STXBP5L: variants seen among roughly 807,000 people sequenced by gnomAD.
STXBP5L encodes syntaxin-binding protein 5-like.
Under a neutral mutation model 144.5 loss-of-function variants are expected in STXBP5L, and 65 were observed. That is an observed-to-expected ratio of 0.45 (90% CI 0.37 to 0.55). The LOEUF (loss-of-function observed/expected upper bound fraction) is 0.55, where lower values mean the gene tolerates loss of function less well. STXBP5L is among the 20% of genes least tolerant of loss of function. The pLI is 0.00. For missense variants in STXBP5L, 1,298 were observed against 1,405.5 expected (o/e 0.92, Z 1.22); for synonymous variants, 505 against 469.6 (o/e 1.08, Z -0.97).
intron 2 of STXBP5L, among the ~76,000 whole-genome samples, chr3:120,944,862 C>A (rs1473464622): frequency 2.0e-5 from 3 of 151,764 alleles, no homozygotes; most frequent in African/African-American, 7.2e-5. Context: ...TTCAGCAATA[C>A]TTTCAGTGAC....
intron 5 of STXBP5L, among the ~76,000 whole-genome samples, chr3:121,076,475 G>A (rs1451779718): frequency 1.3e-5 from 2 of 152,050 alleles, no homozygotes; most frequent in Non-Finnish European, 2.9e-5. Context: ...TTTTGTCCAG[G>A]CCATTAGAGT....
intron 9 of STXBP5L, among the ~76,000 whole-genome samples, chr3:121,160,772 C>T (rs747195019): frequency 3.9e-5 from 6 of 151,954 alleles, no homozygotes; most frequent in Non-Finnish European, 8.8e-5. Context: ...TCCCTCTTTC[C>T]TCTTTTTGCC....
At chr3:121,243,805 C>G (rs538093511) in intron 14 of STXBP5L, among the ~76,000 whole-genome samples, 1 of 152,252 alleles carries the variant, frequency 6.6e-6, no homozygotes, top group Non-Finnish European at 1.5e-5. Flanking sequence ...AATGTCTTAT[C>G]CTAGGAAACA....
intron 7 of STXBP5L, among the ~76,000 whole-genome samples, chr3:121,143,282 A>G (rs1329918027): frequency 6.8e-6 from 1 of 146,086 alleles, no homozygotes; most frequent in East Asian, 1.9e-4. Context: ...AAATAACATC[A>G]GTCCTTAAAT....
At chr3:120,963,897 G>T (rs1006824286) in intron 3 of STXBP5L, among the ~76,000 whole-genome samples, 1 of 152,108 alleles carries the variant, frequency 6.6e-6, no homozygotes, top group Non-Finnish European at 1.5e-5. Flanking sequence ...GAATCCGTCT[G>T]GTCCTGGATT....
chr3:121,304,886 G>A (rs2043285405), intron 19 of STXBP5L, among the ~76,000 whole-genome samples: 1 of 151,574 alleles, frequency 6.6e-6, no homozygotes, highest in Non-Finnish European at 1.5e-5. Context: ...TCAAACCAGA[G>A]TAGATCAACA....
intron 7 of STXBP5L, among the ~76,000 whole-genome samples, chr3:121,132,796 G>C (rs985547416): frequency 6.6e-6 from 1 of 151,884 alleles, no homozygotes; most frequent in African/African-American, 2.4e-5. Flanking sequence ...ATATTTAAAA[G>C]TACTAAACAG....
intron 5 of STXBP5L, among the ~76,000 whole-genome samples, chr3:121,090,749 C>A (rs59778278): frequency 0.21 from 32,448 of 151,736 alleles, 3,690 homozygotes; most frequent in Non-Finnish European, 0.26. Flanking sequence ...ACAATTAGTG[C>A]CTCAGATGGT....
At chr3:121,011,127 A>G (rs1197036357) in intron 3 of STXBP5L, among the ~76,000 whole-genome samples, 1 of 150,422 alleles carries the variant, frequency 6.6e-6, no homozygotes, top group African/African-American at 2.4e-5. Context: ...CGAGGTAGTT[A>G]CAGCATCTCA....
At chr3:121,206,882 G>A (rs1415983103) in intron 10 of STXBP5L, among the ~76,000 whole-genome samples, 3 of 151,894 alleles carry the variant, frequency 2.0e-5, no homozygotes, top group African/African-American at 4.8e-5. Context: ...AATAATTAGT[G>A]GCAATACACT....
At chr3:120,975,618 T>C (rs1940889838) in intron 3 of STXBP5L, among the ~76,000 whole-genome samples, 1 of 152,200 alleles carries the variant, frequency 6.6e-6, no homozygotes. Context: ...CCCTGTCTTG[T>C]GCCAGTTTTC....
chr3:121,194,107 T>C (rs1350652566), intron 9 of STXBP5L, among the ~76,000 whole-genome samples: 1 of 152,154 alleles, frequency 6.6e-6, no homozygotes, highest in African/African-American at 2.4e-5. Flanking sequence ...TCAGTGAAGT[T>C]TGTAACCATC....
At chr3:121,203,861 G>C (rs918434722) in intron 9 of STXBP5L, among the ~76,000 whole-genome samples, 24 of 152,076 alleles carry the variant, frequency 1.6e-4, no homozygotes, top group Non-Finnish European at 1.3e-4. Context: ...TCTCTCCCCT[G>C]GCTGTGTCAC....
chr3:121,063,629 G>A (rs1435554318), intron 5 of STXBP5L, among the ~76,000 whole-genome samples: 3 of 152,174 alleles, frequency 2.0e-5, no homozygotes, highest in Non-Finnish European at 4.4e-5. Context: ...CCAGGGAGAT[G>A]AGAGTTTTAT....
intron 19 of STXBP5L, among the ~76,000 whole-genome samples, chr3:121,296,137 CTG>C (rs2051640142): frequency 6.6e-6 from 1 of 152,158 alleles, no homozygotes; most frequent in South Asian, 2.1e-4. Context: ...TGATGAATCA[CTG>C]TAAAAACCTT....
At chr3:121,313,884 G>A (rs2043668914) in intron 19 of STXBP5L, among the ~76,000 whole-genome samples, 1 of 143,068 alleles carries the variant, frequency 7.0e-6, no homozygotes, top group Non-Finnish European at 1.5e-5. Context: ...CTCAGACGGA[G>A]CGGCCGGGCA....
At chr3:121,231,590 A>G (rs769451541) in intron 11 of STXBP5L, among the ~76,000 whole-genome samples, 15 of 151,714 alleles carry the variant, frequency 9.9e-5, no homozygotes, top group Admixed American at 7.2e-4. Context: ...AACATTCCCC[A>G]TTTTGCTTGG....
intron 3 of STXBP5L, among the ~76,000 whole-genome samples, chr3:120,996,471 G>T (rs1204278561): frequency 6.6e-6 from 1 of 152,046 alleles, no homozygotes; most frequent in Non-Finnish European, 1.5e-5. Context: ...GGAGTGTTGA[G>T]ACTTAAGGTC....
At chr3:121,074,626 A>T (rs985159280) in intron 5 of STXBP5L, among the ~76,000 whole-genome samples, 4 of 152,096 alleles carry the variant, frequency 2.6e-5, no homozygotes, top group African/African-American at 9.7e-5. Flanking sequence ...ATAATTTCTT[A>T]TACATTGCCT....
Sources: allele counts gnomAD v4.1 joint callset (sites outside exome capture counted in the v4.1 genomes callset), GRCh38; gene constraint gnomAD v4.1.1; transcripts MANE v1.5; gene names NCBI Gene and HGNC (gene_info 2026-07-23, HGNC 2026-07-21).